The following ANKRD34C variants were observed in gnomAD, a reference collection of about 807,000 sequenced individuals.
The protein encoded by ANKRD34C is ankyrin repeat domain-containing protein 34C.
For missense variants in ANKRD34C, 563 were observed against 653.0 expected (o/e 0.86, Z 1.50); for synonymous variants, 260 against 253.6 (o/e 1.03, Z -0.24).
At position 79,297,610 on chromosome 15, in the gene ANKRD34C, T is replaced by C. The variant is rs2058675300; in HGVS notation, c.*2718T>C. On this transcript the variant is annotated 3_prime_UTR_variant, in exon 2 of 2. Coordinates refer to ENST00000421388, the MANE Select transcript of ANKRD34C (RefSeq NM_001146341.2). ...GCATCAGCCTTTCAATAGACAGTCATCAGGCTAGTATCTTATCTCATCACT... is the reference window on the plus strand; with the variant it reads ...GCATCAGCCTTTCAATAGACAGTCACCAGGCTAGTATCTTATCTCATCACT... 6.0e-6 allele frequency: 1 copy of C among 167,070 alleles called. No individual in the cohort carries two copies. The highest frequency in any genetic ancestry group is 6.5e-5 in the Admixed American group (1 of 15,280). The allele number at this position is 167,070 out of a possible 1,614,324, so 10.3% of individuals were successfully genotyped here.
At position 79,293,855 on chromosome 15, in the gene ANKRD34C, A is replaced by G; in HGVS notation, c.571A>G (p.Ile191Val). Residue 191 changes from isoleucine to valine, a missense_variant, in exon 2 of 2, where the codon ATA becomes GTA. Coordinates refer to ENST00000421388, the MANE Select transcript of ANKRD34C (RefSeq NM_001146341.2). ...SPPLCASPSD[I>V]ELKALGLDSP... ...TCCACTGTGTGCGTCTCCCTCTGAC[A>G]TAGAGCTGAAGGCTCTAGGCCTGGA... The G allele has an allele frequency of 1.3e-6, 2 of 1,551,730 alleles. No homozygotes were observed. Among genetic ancestry groups the G allele is most frequent in the Non-Finnish European group, 1.7e-6 (2 of 1,146,978 alleles).
Position 79,293,903 on chromosome 15 carries a change from G to T in ANKRD34C, c.619G>T (p.Asp207Tyr). The T allele has an allele frequency of 6.4e-7, 1 of 1,551,682 alleles. No homozygotes were observed. Among genetic ancestry groups the T allele is most frequent in the Non-Finnish European group, 8.7e-7 (1 of 1,146,982 alleles). The change falls in exon 2 of 2, where the codon GAT becomes TAT. Residue 207 changes from aspartate to tyrosine, a missense_variant. Physicochemically the swap from Asp to Tyr is radical, Grantham distance 160 (BLOSUM62 -3). Coordinates refer to ENST00000421388, the MANE Select transcript of ANKRD34C (RefSeq NM_001146341.2). ...GLDSPLTEKE[D>Y]DFFSLQAGHP... ...GGACTCTCCACTCACTGAGAAGGAAGATGACTTCTTCAGCCTCCAAGCAGG... is the reference window on the plus strand; with the variant it reads ...GGACTCTCCACTCACTGAGAAGGAATATGACTTCTTCAGCCTCCAAGCAGG...
At chr15:79,291,601 C>CAGAG (rs138471761) in intron 1 of ANKRD34C, among the ~76,000 whole-genome samples, 11 of 83,998 alleles carry the variant, frequency 1.3e-4, no homozygotes, top group East Asian at 1.3e-3. Flanking sequence ...CACACACACA[C>CAGAG]AGAGAGAGAG....
At position 79,294,304 on chromosome 15, in the gene ANKRD34C, C is replaced by A; in HGVS notation, c.1020C>A (p.His340Gln). 1 of 1,551,716 alleles carries A rather than the reference C, an allele frequency of 6.4e-7. No individual in the cohort carries two copies. Reference sequence around the variant, plus strand: ...CCTATGAGAAAGGTCAGGCTCCCCACCCACGTCTGGCCAGGAGAGGAACTC... The same window carrying A: ...CCTATGAGAAAGGTCAGGCTCCCCAACCACGTCTGGCCAGGAGAGGAACTC... ...KAAYEKGQAPHPRLARRGTLP... is the reference protein window; with the variant it reads ...KAAYEKGQAPQPRLARRGTLP... Residue 340 changes from histidine to glutamine, a missense_variant, in exon 2 of 2, where the codon CAC (histidine) becomes CAA (glutamine). Transcript: ENST00000421388.
At chr15:79,283,830 C>A (rs1393328289) in intron 1 of ANKRD34C, 1 of 152,242 alleles carries the variant, frequency 6.6e-6, no homozygotes, top group Non-Finnish European at 1.5e-5. Context: ...GGCTCCCTAG[C>A]CCCCGGCCAA....
chr15:79,287,566 T>C (rs1401741472), intron 1 of ANKRD34C, among the ~76,000 whole-genome samples: 1 of 152,202 alleles, frequency 6.6e-6, no homozygotes, highest in Admixed American at 6.5e-5. Context: ...AGTAGATAGT[T>C]AATATATGTT....
In ANKRD34C at chr15:79,284,370, C is replaced by T. The variant is rs76776463; in HGVS notation, c.-45+1142C>T. On this transcript the variant is annotated intron_variant, in intron 1 of 1. Transcript: ENST00000421388. The stretch of plus-strand genomic sequence containing the variant: ...GCTGTAGCACTTAAAAACGTGTGCC[C>T]TTAGACAAAATTACTAAATGTGTCT... 3.4e-3 allele frequency among the ~76,000 whole-genome samples: 520 copies of T among 152,278 alleles called. 4 individuals carry two copies. Among genetic ancestry groups the T allele is most frequent in the East Asian group, 0.026 (136 of 5,176 alleles).
chr15:79,294,003 A>G lies in ANKRD34C; in HGVS notation c.719A>G (p.Lys240Arg), dbSNP rs770432590. 6.3e-5 allele frequency: 97 copies of G among 1,551,564 alleles called. No homozygotes were observed. Among genetic ancestry groups the G allele is most frequent in the Non-Finnish European group, 7.9e-5 (91 of 1,147,012 alleles). Residue 240 changes from lysine (K) to arginine (R), a missense_variant, in exon 2 of 2, where the codon AAA (lysine) becomes AGA (arginine). Coordinates refer to ENST00000421388, the MANE Select transcript of ANKRD34C (RefSeq NM_001146341.2). ...CCCACCAGGAAAGTCAGTAATCTCAAAAGGGCCCGTTTGCCTCAACTGAAG... is the reference window on the plus strand; with the variant it reads ...CCCACCAGGAAAGTCAGTAATCTCAGAAGGGCCCGTTTGCCTCAACTGAAG... ...GSPTRKVSNLKRARLPQLKRL... is the reference protein window; with the variant it reads ...GSPTRKVSNLRRARLPQLKRL...
chr15:79,298,102 T>C lies in ANKRD34C; in HGVS notation c.*3210T>C, dbSNP rs1057321180. The C allele has an allele frequency of 3.0e-5, 5 of 167,070 alleles. No individual in the cohort carries two copies. Among genetic ancestry groups the C allele is most frequent in the Non-Finnish European group, 5.9e-5 (4 of 68,130 alleles). The allele number at this position is 167,070 out of a possible 1,614,324, so 10.3% of individuals were successfully genotyped here. On this transcript the variant is annotated 3_prime_UTR_variant, in exon 2 of 2. Coordinates refer to ENST00000421388, the MANE Select transcript of ANKRD34C (RefSeq NM_001146341.2). Reference sequence around the variant, plus strand: ...GTGTTGGTGCCTCAGATGTATCATGTGCTGCTTGAACTGATTCTCTACAGT... The same window carrying C: ...GTGTTGGTGCCTCAGATGTATCATGCGCTGCTTGAACTGATTCTCTACAGT...
chr15:79,293,354 C>T lies in ANKRD34C; in HGVS notation c.70C>T (p.Leu24Phe), dbSNP rs1434141038. ...SLLKAVWLGR[L>F]RLTRLLLEGG... The stretch of plus-strand genomic sequence containing the variant: ...GTTAAAGGCTGTGTGGCTGGGGAGG[C>T]TCAGGTTGACCAGGCTGCTCTTGGA... The change falls in exon 2 of 2, where the codon CTC becomes TTC. Residue 24 changes from leucine to phenylalanine, a missense_variant. By Grantham distance (22) the Leu-to-Phe change is conservative (BLOSUM62 0). Coordinates refer to ENST00000421388, the MANE Select transcript of ANKRD34C (RefSeq NM_001146341.2). The T allele has an allele frequency of 6.4e-7, 1 of 1,551,024 alleles. No individual in the cohort carries two copies. Among genetic ancestry groups the T allele is most frequent in the South Asian group, 1.2e-5 (1 of 83,872 alleles).
chr15:79,288,952 C>G (rs2058652816), intron 1 of ANKRD34C, among the ~76,000 whole-genome samples: 1 of 150,770 alleles, frequency 6.6e-6, no homozygotes, highest in Non-Finnish European at 1.5e-5. Context: ...TTCCGAGTAG[C>G]TGGGACTGCA....
chr15:79,286,900 C>T (rs1232027095), intron 1 of ANKRD34C, among the ~76,000 whole-genome samples: 1 of 152,176 alleles, frequency 6.6e-6, no homozygotes, highest in Non-Finnish European at 1.5e-5. Flanking sequence ...TTCCCACCAC[C>T]ACCATGCACT....
In ANKRD34C at chr15:79,296,482, C is replaced by A. The variant is rs1486962077; in HGVS notation, c.*1590C>A. ...CGCTACACAAAATGGAATAAAGTTT[C>A]TCTGGAAAAGTTCAAGTATCTCTAT... On this transcript the variant is annotated 3_prime_UTR_variant, in exon 2 of 2. Coordinates refer to ENST00000421388, the MANE Select transcript of ANKRD34C (RefSeq NM_001146341.2). The A allele has an allele frequency of 1.2e-5, 2 of 167,066 alleles. No individual in the cohort carries two copies. The highest frequency in any genetic ancestry group is 2.9e-5 in the Non-Finnish European group (2 of 68,110). The allele number at this position is 167,066 out of a possible 1,614,324, so 10.3% of individuals were successfully genotyped here.
At position 79,294,697 on chromosome 15, in the gene ANKRD34C, C is replaced by G; in HGVS notation, c.1413C>G (p.Asn471Lys). ...TGCCGCCTTTAAATGTGAATCTGAACCCGCCTATTCCAGATATTAGATCTA... is the reference window on the plus strand; with the variant it reads ...TGCCGCCTTTAAATGTGAATCTGAAGCCGCCTATTCCAGATATTAGATCTA... ...GFLPPLNVNL[N>K]PPIPDIRSSS... Residue 471 changes from asparagine to lysine, a missense_variant, in exon 2 of 2, where the codon AAC (asparagine) becomes AAG (lysine). Physicochemically the swap from Asn to Lys is moderately conservative, Grantham distance 94. Transcript: ENST00000421388. 6.4e-7 allele frequency: 1 copy of G among 1,551,726 alleles called. No individual in the cohort carries two copies. Among genetic ancestry groups the G allele is most frequent in the Non-Finnish European group, 8.7e-7 (1 of 1,146,988 alleles).
intron 1 of ANKRD34C, among the ~76,000 whole-genome samples, chr15:79,289,110 G>A (rs1312257023): frequency 3.3e-5 from 5 of 152,236 alleles, no homozygotes; most frequent in South Asian, 4.1e-4. Context: ...GTGAGCCACC[G>A]TGCCTGGACA....
intron 1 of ANKRD34C, among the ~76,000 whole-genome samples, chr15:79,289,591 C>T (rs1275975951): frequency 6.6e-6 from 1 of 152,188 alleles, no homozygotes; most frequent in African/African-American, 2.4e-5. Context: ...CCTCTCTTGA[C>T]TTTGAGCTAG....
chr15:79,283,749 C>T (rs1303696807), intron 1 of ANKRD34C: 1 of 152,214 alleles, frequency 6.6e-6, no homozygotes, highest in East Asian at 1.9e-4. Context: ...CGGCCGGAGC[C>T]CCGGAGTTCA....
Position 79,297,731 on chromosome 15 carries a change from A to G in ANKRD34C, c.*2839A>G, listed in dbSNP as rs2058675684. On this transcript the variant is annotated 3_prime_UTR_variant, in exon 2 of 2. Coordinates refer to ENST00000421388, the MANE Select transcript of ANKRD34C (RefSeq NM_001146341.2). The stretch of plus-strand genomic sequence containing the variant: ...TATGCATAAATACGCAATTTTGTCC[A>G]TGTCAATGAACCTAACAAGAATGCT... 1 of 167,076 alleles carries G rather than the reference A, an allele frequency of 6.0e-6. No individual in the cohort carries two copies. Among genetic ancestry groups the G allele is most frequent in the Non-Finnish European group, 1.5e-5 (1 of 68,118 alleles). The allele number at this position is 167,076 out of a possible 1,614,324, so 10.3% of individuals were successfully genotyped here. A position where few individuals can be genotyped will look rare whatever the true frequency, so the allele number is the denominator to read the frequency against.
At position 79,297,972 on chromosome 15, in the gene ANKRD34C, C is replaced by CTT. The variant is rs113119652; in HGVS notation, c.*3089_*3090dup. On this transcript the variant is annotated 3_prime_UTR_variant, in exon 2 of 2. Coordinates refer to ENST00000421388, the MANE Select transcript of ANKRD34C (RefSeq NM_001146341.2). ...GGTTTAATTTCTAGACTTTCCAAAG[C>CTT]TTTTTTTTTTCTTTTTAAAAAGCCC... 13 of 162,570 alleles carry CTT rather than the reference C, an allele frequency of 8.0e-5. No individual in the cohort carries two copies. Among genetic ancestry groups the CTT allele is most frequent in the South Asian group, 2.1e-4 (1 of 4,690 alleles). 10.1% of individuals were successfully genotyped at this position (162,570 alleles called of 1,614,324 possible). A position where few individuals can be genotyped will look rare whatever the true frequency, so the allele number is the denominator to read the frequency against.
Sources: allele counts gnomAD v4.1 joint callset (sites outside exome capture counted in the v4.1 genomes callset), GRCh38; gene constraint gnomAD v4.1.1; transcripts MANE v1.5; gene names NCBI Gene and HGNC (gene_info 2026-07-23, HGNC 2026-07-21).